PRDM15: variants seen among roughly 807,000 people sequenced by gnomAD.
The protein encoded by PRDM15 is PR/SET domain 15.
A neutral mutation model predicts 128.6 loss-of-function variants in PRDM15; 64 were observed. That is an observed-to-expected ratio of 0.50 (90% CI 0.41 to 0.61). The LOEUF (loss-of-function observed/expected upper bound fraction) is 0.61, where lower values mean the gene tolerates loss of function less well. Ranked by LOEUF, PRDM15 falls within the 20% of genes least tolerant of loss-of-function variation. The pLI, the probability that PRDM15 is intolerant of heterozygous loss-of-function variation, is 0.00. For synonymous variants in PRDM15, 615 were observed against 621.8 expected (o/e 0.99, Z 0.16); for missense variants, 1,242 against 1,569.1 (o/e 0.79, Z 3.52).
chr21:41,849,286 T>TG (rs1391514698), intron 5 of PRDM15, among the ~76,000 whole-genome samples: 1 of 152,200 alleles, frequency 6.6e-6, no homozygotes, highest in Non-Finnish European at 1.5e-5. Flanking sequence ...GTCTCTAAAC[T>TG]GGCGGGAACA....
At chr21:41,878,954 G>C (rs1359258738) in intron 1 of PRDM15, 3 of 970,622 alleles carry the variant, frequency 3.1e-6, no homozygotes, top group Non-Finnish European at 3.7e-6. Flanking sequence ...GGCAGGGGAC[G>C]GGGGCGCGGA....
intron 1 of PRDM15, among the ~76,000 whole-genome samples, chr21:41,874,591 C>T (rs1008452191): frequency 3.5e-5 from 5 of 143,520 alleles, no homozygotes; most frequent in Non-Finnish European, 6.0e-5. Context: ...CCTGAAACAC[C>T]CCTTCTCAAA....
chr21:41,826,039 T>G lies in PRDM15; in HGVS notation c.1550A>C (p.Lys517Thr). Residue 517 changes from lysine to threonine, a missense_variant, in exon 13 of 24, where the codon AAG (lysine) becomes ACG (threonine). Around this residue, in one of 3 missense-constraint regions of PRDM15, gnomAD observed 612 missense variants for 717.0 expected, o/e 0.85. Coordinates refer to ENST00000398548, the MANE Select transcript of PRDM15 (RefSeq NM_001040424.3). ...RRHLEGVRRV[K>T]REDLEAGGEN... is the part of the protein sequence containing the mutation. Reference sequence around the variant, plus strand: ...CCCACCGGCCTCCAGGTCCTCTCGCTTCACTCGCCGCACTCCTGAAATTGC... The same window carrying G: ...CCCACCGGCCTCCAGGTCCTCTCGCGTCACTCGCCGCACTCCTGAAATTGC... 6.2e-7 allele frequency: 1 copy of G among 1,614,162 alleles called. No homozygotes were observed. Among genetic ancestry groups the G allele is most frequent in the Non-Finnish European group, 8.5e-7 (1 of 1,179,990 alleles).
chr21:41,834,479 G>C (rs1422329043), intron 11 of PRDM15: 2 of 1,545,976 alleles, frequency 1.3e-6, no homozygotes, highest in African/African-American at 1.4e-5. Context: ...AGGCGGACAA[G>C]GACGGGGTGG....
chr21:41,810,171 G>C lies in PRDM15; in HGVS notation c.2635C>G (p.Arg879Gly), dbSNP rs767885620. The C allele has an allele frequency of 1.2e-6, 2 of 1,609,522 alleles. No individual in the cohort carries two copies. Among genetic ancestry groups the C allele is most frequent in the Non-Finnish European group, 1.7e-6 (2 of 1,178,854 alleles). ...STRASMSRHM[R>G]RKHPEVLAVR... ...CAGCTCACCTCGGGGTGCTTGCGCCGCATGTGTCGGCTCATGGAGGCCCTG... is the reference window on the plus strand; with the variant it reads ...CAGCTCACCTCGGGGTGCTTGCGCCCCATGTGTCGGCTCATGGAGGCCCTG... Residue 879 changes from arginine (R) to glycine (G), a missense_variant, in exon 21 of 24, where the codon CGG becomes GGG. By Grantham distance (125) the Arg-to-Gly change is moderately radical. Transcript: ENST00000398548. The surrounding 1 kb of genome is among the most constrained non-coding windows in gnomAD (Gnocchi z 6.4).
At chr21:41,812,124 C>T (rs2061886214) in intron 19 of PRDM15, 2 of 152,228 alleles carry the variant, frequency 1.3e-5, no homozygotes, top group Admixed American at 1.3e-4. Flanking sequence ...AAGACTCCAC[C>T]TTCCAAGGGA....
At position 41,857,262 on chromosome 21, in the gene PRDM15, T is replaced by G. The variant is rs1288167544; in HGVS notation, c.199A>C (p.Thr67Pro). 1 of 1,613,846 alleles carries G rather than the reference T, an allele frequency of 6.2e-7. No homozygotes were observed. The highest frequency in any genetic ancestry group is 8.5e-7 in the Non-Finnish European group (1 of 1,179,974). The change falls in exon 4 of 24, where the codon ACT becomes CCT. Residue 67 changes from threonine to proline, a missense_variant. Around this residue, in one of 3 missense-constraint regions of PRDM15, gnomAD observed 612 missense variants for 717.0 expected, o/e 0.85. Coordinates refer to ENST00000398548, the MANE Select transcript of PRDM15 (RefSeq NM_001040424.3). ...AACTGTGTCCGCTTGACGAGCTGAG[T>G]GATGGCGAACACCCCCTCGGCTCCA... ...EDGAEGVFAI[T>P]QLVKRTQFGP... is the part of the protein sequence containing the mutation.
intron 5 of PRDM15, among the ~76,000 whole-genome samples, chr21:41,851,344 A>G (rs1216768577): frequency 6.6e-6 from 1 of 152,194 alleles, no homozygotes; most frequent in African/African-American, 2.4e-5. Flanking sequence ...CGAGATACTC[A>G]TTTCTGAGAC....
In PRDM15 at chr21:41,857,342, TA is replaced by T. The variant is rs748042689; in HGVS notation, c.132-14del. On this transcript the variant is annotated splice_polypyrimidine_tract_variant and intron_variant, in intron 3 of 23. Coordinates refer to ENST00000398548, the MANE Select transcript of PRDM15 (RefSeq NM_001040424.3). ...AGGAAGGGATGACCTGGAAATGGAA[TA>T]AAACAAGACTCAAAAGAGAGCACTC... 6.8e-6 allele frequency: 11 copies of T among 1,613,350 alleles called. No homozygotes were observed. In the African/African-American group the frequency reaches 1.3e-4, roughly 20 times the overall value.
Position 41,811,305 on chromosome 21 carries a change from A to G in PRDM15, c.2393-469T>C. On this transcript the variant is annotated intron_variant, in intron 19 of 23. Coordinates refer to ENST00000398548, the MANE Select transcript of PRDM15 (RefSeq NM_001040424.3). This position sits in a 1 kb window ranked among gnomAD's most constrained non-coding sequence, Gnocchi z 4.1. ...CAACAGAACTGCCGTGCTCGGACAA[A>G]ATGAGTGTGATTCTTCAAAACTTGA... The G allele has an allele frequency of 6.1e-6, 1 of 163,308 alleles. No homozygotes were observed. Among genetic ancestry groups the G allele is most frequent in the Admixed American group, 5.8e-5 (1 of 17,348 alleles). The allele number at this position is 163,308 out of a possible 1,614,324, so 10.1% of individuals were successfully genotyped here. A position where few individuals can be genotyped will look rare whatever the true frequency, so the allele number is the denominator to read the frequency against.
intron 5 of PRDM15, among the ~76,000 whole-genome samples, chr21:41,852,638 C>A (rs573442236): frequency 1.3e-5 from 2 of 152,246 alleles, no homozygotes; most frequent in Non-Finnish European, 2.9e-5. Flanking sequence ...GGGTGCGAAG[C>A]CCCCAGTACA....
At position 41,800,613 on chromosome 21, in the gene PRDM15, C is replaced by G. The variant is rs946446438; in HGVS notation, c.*627G>C. On this transcript the variant is annotated 3_prime_UTR_variant, in exon 24 of 24. Coordinates refer to ENST00000398548, the MANE Select transcript of PRDM15 (RefSeq NM_001040424.3). ...CACGTGACCCCTTGCACATGATGAC[C>G]GTGATGACCTCGAAGGTTGCAGGAT... The G allele has an allele frequency of 6.6e-6, 1 of 152,266 alleles. No individual in the cohort carries two copies. Among genetic ancestry groups the G allele is most frequent in the East Asian group, 1.9e-4 (1 of 5,186 alleles). The allele number at this position is 152,266 out of a possible 1,614,324, so 9.4% of individuals were successfully genotyped here.
intron 12 of PRDM15, among the ~76,000 whole-genome samples, chr21:41,827,697 T>A (rs2062517993): frequency 6.6e-6 from 1 of 152,222 alleles, no homozygotes; most frequent in Non-Finnish European, 1.5e-5. Flanking sequence ...AACAAGCATA[T>A]GCTTCATTTG....
chr21:41,836,359 C>A, intron 9 of PRDM15, 109 bp downstream of exon 9: 1 of 1,335,178 alleles, frequency 7.5e-7, no homozygotes, highest in Non-Finnish European at 1.0e-6. Flanking sequence ...CTCTCACTGG[C>A]GCAGCTCGTG....
chr21:41,807,342 C>T (rs944556569), intron 21 of PRDM15, among the ~76,000 whole-genome samples: 8 of 152,134 alleles, frequency 5.3e-5, no homozygotes, highest in Middle Eastern at 3.2e-3. Context: ...TTTAACTAGT[C>T]CAACAGTTAA....
intron 1 of PRDM15, chr21:41,863,304 T>C (rs916061471): frequency 1.3e-5 from 2 of 152,102 alleles, no homozygotes; most frequent in African/African-American, 2.4e-5. Flanking sequence ...CTTGGGAACA[T>C]TTCAGAAATG....
intron 18 of PRDM15, 122 bp downstream of exon 18, chr21:41,819,460 G>GGCC: frequency 1.7e-6 from 1 of 598,286 alleles, no homozygotes. Flanking sequence ...CGTGGCCCCG[G>GGCC]CCCCCGCCCC....
rs2146104401 is a variant in PRDM15, at chr21:41,799,676, A to G, written c.*1564T>C. On this transcript the variant is annotated 3_prime_UTR_variant, in exon 24 of 24. Transcript: ENST00000398548. ...GAGAAAGTTGCGTTTTGAAAAACACAATCATCCTTTGTTCTGCTGGCAACA... is the reference window on the plus strand; with the variant it reads ...GAGAAAGTTGCGTTTTGAAAAACACGATCATCCTTTGTTCTGCTGGCAACA... 2 of 152,570 alleles carry G rather than the reference A, an allele frequency of 1.3e-5. No individual in the cohort carries two copies. The highest frequency in any genetic ancestry group is 3.9e-4 in the East Asian group (2 of 5,184). The allele number at this position is 152,570 out of a possible 1,614,324, so 9.5% of individuals were successfully genotyped here.
chr21:41,830,144 A>AC (rs1414571598), intron 11 of PRDM15, among the ~76,000 whole-genome samples: 3 of 151,178 alleles, frequency 2.0e-5, no homozygotes, highest in Non-Finnish European at 4.4e-5. Flanking sequence ...TTCAACACAC[A>AC]CCCCACACAA....
Sources: allele counts gnomAD v4.1 joint callset (sites outside exome capture counted in the v4.1 genomes callset), GRCh38; gene constraint gnomAD v4.1.1; regional missense constraint gnomAD v4.1.1; non-coding constraint Gnocchi (gnomAD v3.1); transcripts MANE v1.5; gene names NCBI Gene and HGNC (gene_info 2026-07-23, HGNC 2026-07-21).